Variants in PTPRM observed in about 807,000 individuals in gnomAD.
The protein encoded by PTPRM is receptor-type tyrosine-protein phosphatase mu.
Under a neutral mutation model 186.7 loss-of-function variants are expected in PTPRM, and 47 were observed. The ratio of observed to expected loss-of-function variants is 0.25; its 90% CI spans 0.20 to 0.32. PTPRM has a LOEUF of 0.32. PTPRM is among the 10% of genes least tolerant of loss of function. The probability of loss-of-function intolerance (pLI) is 1.00; values close to 1 mark genes in which losing one functional copy is unlikely to be tolerated. For synonymous variants in PTPRM, 668 were observed against 674.9 expected (o/e 0.99, Z 0.16); for missense variants, 1,494 against 1,865.0 (o/e 0.80, Z 3.66).
chr18:8,093,635 C>T (rs2090868405), intron 11 of PTPRM, among the ~76,000 whole-genome samples: 1 of 152,016 alleles, frequency 6.6e-6, no homozygotes, highest in Admixed American at 6.6e-5. Context: ...AAATAATTAG[C>T]AAACTCCCCT....
intron 14 of PTPRM, among the ~76,000 whole-genome samples, chr18:8,146,877 C>T (rs920782003): frequency 1.1e-4 from 16 of 151,878 alleles, no homozygotes; most frequent in African/African-American, 3.9e-4. Flanking sequence ...ATATGGCTAG[C>T]TATTTCCAAC....
chr18:7,887,665 T>A (rs573176919), intron 2 of PTPRM, among the ~76,000 whole-genome samples: 6 of 152,336 alleles, frequency 3.9e-5, no homozygotes, highest in African/African-American at 7.2e-5. Context: ...TGGATGGAGA[T>A]GCTCTGTATC....
At chr18:7,877,619 A>G (rs1376957044) in intron 2 of PTPRM, among the ~76,000 whole-genome samples, 1 of 152,164 alleles carries the variant, frequency 6.6e-6, no homozygotes, top group East Asian at 1.9e-4. Context: ...TTTGATTAGG[A>G]AACTTGCAAA....
At chr18:8,109,883 T>C (rs560995475) in intron 11 of PTPRM, among the ~76,000 whole-genome samples, 2 of 152,332 alleles carry the variant, frequency 1.3e-5, no homozygotes, top group South Asian at 4.1e-4. Flanking sequence ...CTTAGGTTCA[T>C]TATTTAATTG....
intron 19 of PTPRM, among the ~76,000 whole-genome samples, chr18:8,279,200 AGC>A (rs1232643864): frequency 6.6e-6 from 1 of 152,138 alleles, no homozygotes; most frequent in Non-Finnish European, 1.5e-5. Context: ...TCTAAATATG[AGC>A]ATTGTGAAAG....
chr18:8,256,436 C>T (rs994046673), intron 19 of PTPRM, among the ~76,000 whole-genome samples: 3 of 152,088 alleles, frequency 2.0e-5, no homozygotes, highest in African/African-American at 7.2e-5. Context: ...AATGTAGGTG[C>T]TAGAATTATA....
At chr18:8,179,196 T>C (rs1220416679) in intron 14 of PTPRM, among the ~76,000 whole-genome samples, 3 of 152,384 alleles carry the variant, frequency 2.0e-5, no homozygotes, top group Admixed American at 2.0e-4. Context: ...ACTGCACTTA[T>C]GCAAATAATG....
At chr18:7,726,436 C>A (rs554775958) in intron 1 of PTPRM, among the ~76,000 whole-genome samples, 1 of 152,154 alleles carries the variant, frequency 6.6e-6, no homozygotes, top group Admixed American at 6.5e-5. Context: ...CTATCCTGTG[C>A]GTTGTTAATA....
At chr18:7,603,997 A>G (rs1169015899) in intron 1 of PTPRM, among the ~76,000 whole-genome samples, 1 of 152,204 alleles carries the variant, frequency 6.6e-6, no homozygotes, top group Non-Finnish European at 1.5e-5. Context: ...TGCCAACATA[A>G]TTATTTATAA....
chr18:7,627,725 A>G (rs1259692274), intron 1 of PTPRM, among the ~76,000 whole-genome samples: 1 of 152,216 alleles, frequency 6.6e-6, no homozygotes, highest in Admixed American at 6.5e-5. Flanking sequence ...TGCCTCCTTC[A>G]ACATTTCAGA....
chr18:7,629,474 A>T (rs2038140134), intron 1 of PTPRM, among the ~76,000 whole-genome samples: 1 of 152,198 alleles, frequency 6.6e-6, no homozygotes, highest in East Asian at 1.9e-4. Flanking sequence ...ATTTTTAATC[A>T]ACACAATAGG....
At chr18:8,179,338 A>C (rs1212171222) in intron 14 of PTPRM, among the ~76,000 whole-genome samples, 3 of 152,228 alleles carry the variant, frequency 2.0e-5, no homozygotes, top group Admixed American at 6.5e-5. Flanking sequence ...AATTGTTAAA[A>C]GCTCTAAATG....
intron 14 of PTPRM, among the ~76,000 whole-genome samples, chr18:8,166,956 T>C (rs150315646): frequency 6.6e-6 from 1 of 152,308 alleles, no homozygotes; most frequent in Non-Finnish European, 1.5e-5. Context: ...ATTCTGTGAC[T>C]TGAATTATTA....
In PTPRM at chr18:7,600,140, G is replaced by A. The variant is rs530176556; in HGVS notation, c.73+32249G>A. Among the ~76,000 whole-genome samples the A allele has an allele frequency of 1.4e-4, 22 of 152,316 alleles. No homozygotes were observed. In the South Asian group the frequency reaches 1.5e-3, roughly 10 times the overall value. ...AAACCTAGCTCCTCCTGGTCTAGCT[G>A]TTTGCTGAAGGGTAAGTTATTTTAT... On this transcript the variant is annotated intron_variant, in intron 1 of 32. Coordinates refer to ENST00000580170, the MANE Select transcript of PTPRM (RefSeq NM_001105244.2).
intron 14 of PTPRM, among the ~76,000 whole-genome samples, chr18:8,196,879 G>A (rs1470841835): frequency 1.3e-5 from 2 of 152,140 alleles, no homozygotes; most frequent in African/African-American, 4.8e-5. Flanking sequence ...AGTGCGTGGT[G>A]GGATGTCTAT....
chr18:8,121,671 C>T (rs1438601117), intron 13 of PTPRM, among the ~76,000 whole-genome samples: 2 of 152,064 alleles, frequency 1.3e-5, no homozygotes, highest in African/African-American at 4.8e-5. Context: ...AATAAAGTTC[C>T]TGAATGGAAA....
chr18:7,654,588 T>G (rs1044308966), intron 1 of PTPRM, among the ~76,000 whole-genome samples: 1 of 152,176 alleles, frequency 6.6e-6, no homozygotes, highest in African/African-American at 2.4e-5. Flanking sequence ...TAGTTTTGAG[T>G]TTTACGTTTA....
Position 8,279,104 on chromosome 18 carries a change from C to CA in PTPRM, c.2755-17255dup, listed in dbSNP as rs551984104. 5.1e-3 allele frequency among the ~76,000 whole-genome samples: 763 copies of CA among 149,846 alleles called. 9 individuals carry two copies. The highest frequency in any genetic ancestry group is 0.018 in the African/African-American group (739 of 40,910). On this transcript the variant is annotated intron_variant, in intron 19 of 32. Coordinates refer to ENST00000580170, the MANE Select transcript of PTPRM (RefSeq NM_001105244.2). ...CAAATATATATATATATAAACAAAA[C>CA]AAAAAAAAACTCTTTAGGAAGGTTG...
At chr18:8,266,534 C>T (rs1018574260) in intron 19 of PTPRM, among the ~76,000 whole-genome samples, 5 of 152,240 alleles carry the variant, frequency 3.3e-5, no homozygotes, top group Middle Eastern at 3.4e-3. Flanking sequence ...AGTCATGTCA[C>T]GGAAAAGAAA....
Sources: gnomAD v4.1 joint callset for allele counts (sites outside exome capture counted in the v4.1 genomes callset) on GRCh38, gnomAD v4.1.1 for gene constraint, MANE v1.5 for transcripts, NCBI Gene and HGNC (gene_info 2026-07-23, HGNC 2026-07-21) for gene names.